HEPH: variants seen among roughly 807,000 people sequenced by gnomAD.
HEPH encodes the protein hephaestin.
In HEPH, 69 loss-of-function variants were observed where a neutral mutation model predicts 80.8. That is an observed-to-expected ratio of 0.85 (90% CI 0.70 to 1.04). The LOEUF (loss-of-function observed/expected upper bound fraction) is 1.04. Ranked by LOEUF, HEPH falls within the 50% of genes least tolerant of loss-of-function variation. HEPH has a pLI of 0.00. For synonymous variants in HEPH, 431 were observed against 322.8 expected (o/e 1.34, Z -3.60); for missense variants, 1,115 against 891.3 (o/e 1.25, Z -3.20).
chrX:66,192,438 G>A (rs1321155276), intron 7 of HEPH, 140 bp downstream of exon 7: 4 of 657,570 alleles, frequency 6.1e-6, no homozygotes, highest in Non-Finnish European at 9.0e-6. Context: ...CCAACTGTTA[G>A]CCAAGTTCTT....
intron 20 of HEPH, 96 bp downstream of exon 20, chrX:66,263,784 G>T: frequency 1.2e-6 from 1 of 842,471 alleles, no homozygotes; most frequent in Non-Finnish European, 1.7e-6. Flanking sequence ...TTATGTGACT[G>T]AGAGTTAGAA....
upstream of HEPH, among the ~76,000 whole-genome samples, chrX:66,163,297 T>C (rs1333121246): frequency 9.0e-6 from 1 of 111,319 alleles, no homozygotes; most frequent in Non-Finnish European, 1.9e-5. Flanking sequence ...CCACCAGGAA[T>C]GGGAATGACC....
intron 15 of HEPH, among the ~76,000 whole-genome samples, chrX:66,252,307 G>C (rs1425172442): frequency 9.0e-6 from 1 of 111,716 alleles, no homozygotes; most frequent in African/African-American, 3.2e-5. Flanking sequence ...GACAAATGGA[G>C]GTGCCAAGAA....
intron 19 of HEPH, among the ~76,000 whole-genome samples, chrX:66,261,092 A>C (rs1249262536): frequency 9.0e-6 from 1 of 111,426 alleles, no homozygotes; most frequent in Non-Finnish European, 1.9e-5. Flanking sequence ...TTTATTTTTT[A>C]GGCAGGGTTT....
At chrX:66,221,744 G>A (rs1192497756) in intron 15 of HEPH, among the ~76,000 whole-genome samples, 1 of 112,913 alleles carries the variant, frequency 8.9e-6, no homozygotes, top group Non-Finnish European at 1.9e-5. Context: ...TCGTGAAAAG[G>A]TAATTGCTGT....
intron 4 of HEPH, among the ~76,000 whole-genome samples, chrX:66,186,872 T>A (rs1166359778): frequency 1.8e-5 from 2 of 111,468 alleles, no homozygotes; most frequent in Non-Finnish European, 3.8e-5. Context: ...ATTCTTTAGG[T>A]TTGGTCATTT....
At chrX:66,194,238 G>T (rs1165850701) in intron 8 of HEPH, among the ~76,000 whole-genome samples, 4 of 111,719 alleles carry the variant, frequency 3.6e-5, no homozygotes, top group Non-Finnish European at 7.5e-5. Flanking sequence ...ATAGGTGTGT[G>T]CCAGTTGATT....
intron 15 of HEPH, among the ~76,000 whole-genome samples, chrX:66,211,419 C>A (rs1386897000): frequency 3.6e-5 from 4 of 111,296 alleles, no homozygotes; most frequent in Non-Finnish European, 1.9e-5. Flanking sequence ...TGCTATCAAA[C>A]ATTGAATTCA....
At chrX:66,199,951 G>A (rs978973529) in intron 11 of HEPH, among the ~76,000 whole-genome samples, 4 of 109,582 alleles carry the variant, frequency 3.7e-5, no homozygotes, top group Admixed American at 2.9e-4. Flanking sequence ...GTGTGTGTAT[G>A]GAAGAGGATG....
intron 19 of HEPH, 77 bp from the exon 20 acceptor site, chrX:66,263,567 T>C (rs1185649228): frequency 4.6e-6 from 5 of 1,078,403 alleles, no homozygotes; most frequent in African/African-American, 1.8e-5. Context: ...CAACCAATGT[T>C]GACCTTTCAT....
chrX:66,208,423 A>T (rs888458062), intron 15 of HEPH, among the ~76,000 whole-genome samples, 177 bp downstream of exon 15: 2 of 107,749 alleles, frequency 1.9e-5, no homozygotes, highest in African/African-American at 6.7e-5. Flanking sequence ...GTTCAAGACT[A>T]GCCTGGCCAA....
At chrX:66,228,763 A>G (rs958631679) in intron 15 of HEPH, among the ~76,000 whole-genome samples, 3 of 112,416 alleles carry the variant, frequency 2.7e-5, no homozygotes, top group African/African-American at 6.5e-5. Flanking sequence ...GGCCAAAAAC[A>G]TATGGAAAAA....
At chrX:66,171,782 G>C (rs1292173551) in intron 2 of HEPH, among the ~76,000 whole-genome samples, 1 of 102,360 alleles carries the variant, frequency 9.8e-6, no homozygotes, top group Non-Finnish European at 2.0e-5. Flanking sequence ...ACTGTCCTAA[G>C]CTCTTCGTGT....
intron 3 of HEPH, 86 bp downstream of exon 3, chrX:66,172,685 G>A: frequency 1.0e-6 from 1 of 981,006 alleles, no homozygotes; most frequent in Non-Finnish European, 1.4e-6. Flanking sequence ...AACTGGTAGT[G>A]AAGATTTTCT....
chrX:66,165,013 A>G (rs1456671208), intron 1 of HEPH, among the ~76,000 whole-genome samples: 1 of 111,954 alleles, frequency 8.9e-6, no homozygotes, highest in Non-Finnish European at 1.9e-5. Flanking sequence ...CTTTGAGCAA[A>G]TCCTTGCACC....
At chrX:66,172,659 C>T in intron 3 of HEPH, 60 bp downstream of exon 3, 3 of 1,052,879 alleles carry the variant, frequency 2.8e-6, no homozygotes, top group Non-Finnish European at 3.8e-6. Context: ...TCCTTTATTG[C>T]CAGGTGAAGG....
At chrX:66,177,240 A>G (rs959719540) in intron 4 of HEPH, among the ~76,000 whole-genome samples, 2 of 112,111 alleles carry the variant, frequency 1.8e-5, no homozygotes, top group African/African-American at 6.5e-5. Flanking sequence ...GGCTTCATAG[A>G]ATGAATTAAG....
Position 66,202,912 on chromosome X carries a change from C to CATATATATATATAT in HEPH, c.2078-438_2078-425dup, listed in dbSNP as rs759619010. On this transcript the variant is annotated intron_variant, in intron 12 of 20. Transcript: ENST00000343002. ...CAATTGCCACAAGGTTTTATGTGTG[C>CATATATATATATAT]ATATATATATATATATATATATATA... 1.5e-3 allele frequency among the ~76,000 whole-genome samples: 122 copies of CATATATATATATAT among 81,732 alleles called. 1 individual carries two copies. The highest frequency in any genetic ancestry group is 5.4e-3 in the Admixed American group (39 of 7,269). 71.0% of individuals were successfully genotyped at this position (81,732 alleles called of 115,157 possible).
chrX:66,263,604 A>G (rs758208257), intron 19 of HEPH, 40 bp from the exon 20 acceptor site: 46 of 1,198,570 alleles, frequency 3.8e-5, no homozygotes, highest in Middle Eastern at 2.3e-4. Context: ...GGTAGGAAGA[A>G]CAATAAGGCT....
Sources: gnomAD v4.1 joint callset for allele counts (sites outside exome capture counted in the v4.1 genomes callset) on GRCh38, gnomAD v4.1.1 for gene constraint, MANE v1.5 for transcripts, NCBI Gene and HGNC (gene_info 2026-07-23, HGNC 2026-07-21) for gene names.